CALD1: variants seen among roughly 807,000 people sequenced by gnomAD.
CALD1 encodes the protein caldesmon.
A neutral mutation model predicts 99.9 loss-of-function variants in CALD1; 33 were observed. The ratio of observed to expected loss-of-function variants is 0.33; its 90% CI spans 0.25 to 0.44. The LOEUF (loss-of-function observed/expected upper bound fraction) is 0.44, where lower values mean the gene tolerates loss of function less well. Ranked by LOEUF, CALD1 falls within the 20% of genes least tolerant of loss-of-function variation. CALD1 has a pLI of 1.00. For synonymous variants in CALD1, 310 were observed against 325.0 expected (o/e 0.95, Z 0.50); for missense variants, 861 against 962.1 (o/e 0.89, Z 1.39).
At chr7:134,772,499 G>A (rs1796885249) in intron 1 of CALD1, among the ~76,000 whole-genome samples, 1 of 152,148 alleles carries the variant, frequency 6.6e-6, no homozygotes, top group Admixed American at 6.6e-5. Context: ...TCTTGCTGAA[G>A]AAAACGAAGG....
At chr7:134,966,665 AT>A (rs1315471095) in intron 14 of CALD1, among the ~76,000 whole-genome samples, 1 of 152,166 alleles carries the variant, frequency 6.6e-6, no homozygotes, top group Non-Finnish European at 1.5e-5. Context: ...CCGAGCCTGC[AT>A]TTTTAACCAT....
At chr7:134,818,854 C>G (rs1798660931) in intron 1 of CALD1, among the ~76,000 whole-genome samples, 1 of 151,968 alleles carries the variant, frequency 6.6e-6, no homozygotes, top group African/African-American at 2.4e-5. Context: ...AAGATGGAAA[C>G]CAAGCAGTCA....
intron 1 of CALD1, among the ~76,000 whole-genome samples, chr7:134,832,829 G>C (rs1799284859): frequency 1.3e-5 from 2 of 152,148 alleles, no homozygotes; most frequent in South Asian, 4.1e-4. Flanking sequence ...TAATGTAGTT[G>C]TAGCTCTGCT....
At chr7:134,900,012 ACT>A (rs1802877665) in intron 3 of CALD1, 1 of 152,116 alleles carries the variant, frequency 6.6e-6, no homozygotes, top group Admixed American at 6.5e-5. Context: ...TCTCCAAATC[ACT>A]CTACCTTTCA....
intron 3 of CALD1, among the ~76,000 whole-genome samples, chr7:134,911,734 G>A (rs947709370): frequency 1.3e-5 from 2 of 152,182 alleles, no homozygotes; most frequent in African/African-American, 4.8e-5. Context: ...GTGTTTTAAT[G>A]CCATATGCCT....
At chr7:134,739,100 T>C in the CALD1 span, among the ~76,000 whole-genome samples, 1 of 152,166 alleles carries the variant, frequency 6.6e-6, no homozygotes, top group Admixed American at 6.5e-5. Context: ...CTTCAAGTCA[T>C]AGAAGCAACG....
At chr7:134,812,520 C>T (rs1315105846) in intron 1 of CALD1, among the ~76,000 whole-genome samples, 1 of 151,626 alleles carries the variant, frequency 6.6e-6, no homozygotes, top group Non-Finnish European at 1.5e-5. Context: ...CTCCTACTTC[C>T]CACCCTTCAG....
chr7:134,827,227 T>G (rs551002399), intron 1 of CALD1, among the ~76,000 whole-genome samples: 2 of 152,296 alleles, frequency 1.3e-5, no homozygotes, highest in South Asian at 4.1e-4. Flanking sequence ...TTCTTTAACT[T>G]GGCCCAGGCT....
At chr7:134,881,596 A>T (rs1444742670) in intron 3 of CALD1, among the ~76,000 whole-genome samples, 1 of 152,202 alleles carries the variant, frequency 6.6e-6, no homozygotes, top group Admixed American at 6.5e-5. Flanking sequence ...CACTGGATTC[A>T]CTTCTATATT....
intron 1 of CALD1, among the ~76,000 whole-genome samples, chr7:134,831,330 T>C (rs901054162): frequency 6.6e-6 from 1 of 151,878 alleles, no homozygotes; most frequent in Non-Finnish European, 1.5e-5. Flanking sequence ...ATTTCTTTCT[T>C]TTTTTTTGAG....
chr7:134,948,005 TTTTG>T (rs1247724880), intron 8 of CALD1: 4 of 404,922 alleles, frequency 9.9e-6, no homozygotes, highest in Admixed American at 4.0e-5. Context: ...CACAGAGAGG[TTTTG>T]TTTTTGTTTT....
the CALD1 span, among the ~76,000 whole-genome samples, chr7:134,711,680 ATGTGTGTGTGTGTGTGTG>A: frequency 2.8e-3 from 304 of 109,574 alleles, 6 homozygotes; most frequent in East Asian, 0.021. Context: ...ATATATATAT[ATGTGTGTGTGTGTGTGTG>A]TGTGTGTGTG....
intron 6 of CALD1, among the ~76,000 whole-genome samples, chr7:134,938,746 G>A (rs1806192240): frequency 6.6e-6 from 1 of 152,082 alleles, no homozygotes; most frequent in Admixed American, 6.5e-5. Flanking sequence ...CATTGACAAG[G>A]TTTCTAAGGT....
intron 1 of CALD1, among the ~76,000 whole-genome samples, chr7:134,825,639 C>A (rs1467681005): frequency 6.6e-6 from 1 of 152,096 alleles, no homozygotes; most frequent in African/African-American, 2.4e-5. Context: ...TTGGTATAAT[C>A]TGCAAAATTA....
intron 1 of CALD1, among the ~76,000 whole-genome samples, chr7:134,824,281 C>A (rs1798898238): frequency 1.3e-5 from 2 of 152,178 alleles, no homozygotes; most frequent in African/African-American, 4.8e-5. Flanking sequence ...AAGTCCAGGT[C>A]TACACATGAC....
At chr7:134,786,751 C>A (rs1040831185) in intron 1 of CALD1, among the ~76,000 whole-genome samples, 2 of 152,178 alleles carry the variant, frequency 1.3e-5, no homozygotes, top group African/African-American at 2.4e-5. Context: ...AAGTTCCAAG[C>A]AGTTAACCTT....
At chr7:134,963,481 G>A (rs1188972717) in intron 13 of CALD1, among the ~76,000 whole-genome samples, 1 of 152,168 alleles carries the variant, frequency 6.6e-6, no homozygotes, top group Admixed American at 6.5e-5. Flanking sequence ...CAGTGTCCAC[G>A]GGTAAATGCA....
intron 1 of CALD1, among the ~76,000 whole-genome samples, chr7:134,760,206 G>T (rs181568447): frequency 2.0e-5 from 3 of 152,318 alleles, no homozygotes; most frequent in African/African-American, 4.8e-5. Context: ...TTATAGGATT[G>T]TACCCTGAGT....
At position 134,969,179 on chromosome 7, in the gene CALD1, T is replaced by C. The variant is rs11204; in HGVS notation, c.*834T>C. The C allele has an allele frequency of 0.78, 119,011 of 152,500 alleles. 47,001 individuals are homozygous for C. Among genetic ancestry groups the C allele is most frequent in the African/African-American group, 0.91 (37,596 of 41,542 alleles). 9.4% of individuals were successfully genotyped at this position (152,500 alleles called of 1,614,324 possible). ...AAAAAATCACACTATATTAATATTT[T>C]ATATTTGCCAACAGAAACATGGCAG... On this transcript the variant is annotated 3_prime_UTR_variant, in exon 15 of 15. Transcript: ENST00000361675.
Sources: gnomAD v4.1 joint callset for allele counts (sites outside exome capture counted in the v4.1 genomes callset) on GRCh38, gnomAD v4.1.1 for gene constraint, MANE v1.5 for transcripts, NCBI Gene and HGNC (gene_info 2026-07-23, HGNC 2026-07-21) for gene names.